Variants in PDZK1 observed in about 807,000 individuals in gnomAD.
The protein encoded by PDZK1 is PDZ domain containing 1.
Under a neutral mutation model 38.1 loss-of-function variants are expected in PDZK1, and 23 were observed. That is an observed-to-expected ratio of 0.60 (90% CI 0.43 to 0.85). The LOEUF is 0.85. PDZK1 is among the 40% of genes least tolerant of loss of function. The pLI is 0.00. For missense variants in PDZK1, 297 were observed against 504.3 expected (o/e 0.59, Z 3.94); for synonymous variants, 98 against 186.2 (o/e 0.53, Z 3.86).
At chr1:145,697,992 A>C (rs1655736852) in intron 1 of PDZK1, among the ~76,000 whole-genome samples, 1 of 151,854 alleles carries the variant, frequency 6.6e-6, no homozygotes, top group Non-Finnish European at 1.5e-5. Flanking sequence ...GAGAACATGG[A>C]AACTGGGGTT....
At position 145,684,965 on chromosome 1, in the gene PDZK1, TTAA is replaced by T. The variant is rs587738348; in HGVS notation, c.460+1509_460+1511del. On this transcript the variant is annotated intron_variant, in intron 3 of 8. Transcript: ENST00000417171. ...ATAAGGATTATTTGAACACAGTACT[TTAA>T]TACCGTGACAGTTGACCTGGTAACT... Among the ~76,000 whole-genome samples, 1,330 of 148,076 alleles carry T rather than the reference TTAA, an allele frequency of 9.0e-3. 6 individuals carry two copies. The highest frequency in any genetic ancestry group is 0.015 in the Non-Finnish European group (975 of 66,692).
chr1:145,692,673 T>A (rs1310260664), intron 1 of PDZK1, among the ~76,000 whole-genome samples: 4 of 147,102 alleles, frequency 2.7e-5, no homozygotes, highest in African/African-American at 5.1e-5. Context: ...ATCGTGCCAG[T>A]GCACTCCAGC....
chr1:145,707,146 C>T (rs1410391547), intron 1 of PDZK1, among the ~76,000 whole-genome samples, 171 bp downstream of exon 1: 1 of 152,086 alleles, frequency 6.6e-6, no homozygotes, highest in Admixed American at 6.6e-5. Flanking sequence ...CGTGGATCAT[C>T]TCTCACCCCC....
chr1:145,672,674 G>C (rs1483311689), intron 8 of PDZK1, 56 bp downstream of exon 8: 2 of 1,600,218 alleles, frequency 1.2e-6, no homozygotes, highest in Non-Finnish European at 1.7e-6. Context: ...TACTCATAGG[G>C]ACTGTACCCA....
intron 1 of PDZK1, among the ~76,000 whole-genome samples, chr1:145,704,443 G>A (rs948594689): frequency 3.3e-5 from 5 of 152,146 alleles, no homozygotes; most frequent in Admixed American, 6.5e-5. Context: ...CTTCATTTCC[G>A]GGGGTCATGT....
At chr1:145,671,716 T>TG (rs2101859535) in intron 8 of PDZK1, 1 of 516,932 alleles carries the variant, frequency 1.9e-6, no homozygotes, top group South Asian at 2.7e-5. Context: ...GATCTGGGTA[T>TG]GACTAGAAGT....
intron 3 of PDZK1, among the ~76,000 whole-genome samples, chr1:145,685,727 C>T (rs1654694659): frequency 6.6e-6 from 1 of 152,186 alleles, no homozygotes; most frequent in African/African-American, 2.4e-5. Context: ...AAGGAATTGA[C>T]CAGCTAACAC....
chr1:145,671,364 T>G lies in PDZK1; in HGVS notation c.*72A>C, dbSNP rs1653010818. The G allele has an allele frequency of 6.2e-7, 1 of 1,606,198 alleles. No individual in the cohort carries two copies. Among genetic ancestry groups the G allele is most frequent in the Admixed American group, 1.7e-5 (1 of 59,742 alleles). On this transcript the variant is annotated 3_prime_UTR_variant, in exon 9 of 9. Transcript: ENST00000417171. Reference sequence around the variant, plus strand: ...CAGTAAACAGGTCACAACTCATTCCTTGAGAAAGGATTCCTATTAAATACC... The same window carrying G: ...CAGTAAACAGGTCACAACTCATTCCGTGAGAAAGGATTCCTATTAAATACC...
intron 3 of PDZK1, among the ~76,000 whole-genome samples, chr1:145,686,006 G>A (rs587679893): frequency 2.0e-5 from 3 of 152,210 alleles, no homozygotes; most frequent in African/African-American, 7.2e-5. Context: ...CACATCAGCA[G>A]GTGCTCAAGA....
chr1:145,694,447 G>T (rs587708972), intron 1 of PDZK1, among the ~76,000 whole-genome samples: 64 of 152,274 alleles, frequency 4.2e-4, no homozygotes, highest in African/African-American at 1.5e-3. Context: ...GCATCAAGAA[G>T]ACATACTACC....
At chr1:145,695,371 G>A (rs950981811) in intron 1 of PDZK1, among the ~76,000 whole-genome samples, 10 of 151,990 alleles carry the variant, frequency 6.6e-5, no homozygotes, top group African/African-American at 1.7e-4. Flanking sequence ...GCAGTGAGCC[G>A]AGACAGTGCA....
intron 6 of PDZK1, chr1:145,676,171 G>C (rs1272042493): frequency 6.4e-5 from 63 of 984,854 alleles, no homozygotes; most frequent in Non-Finnish European, 7.5e-5. Flanking sequence ...GGAGAGCGGG[G>C]AAGGAGATGA....
rs587613165 is a variant in PDZK1, at chr1:145,697,673, C to T, written c.-3+9644G>A. Reference sequence around the variant, plus strand: ...AGTGCAGTGGTGCGATCTCAGCTCACTGCAACCTCTGCCTCCCAGATTCAA... The same window carrying T: ...AGTGCAGTGGTGCGATCTCAGCTCATTGCAACCTCTGCCTCCCAGATTCAA... On this transcript the variant is annotated intron_variant, in intron 1 of 8. Transcript: ENST00000417171. Among the ~76,000 whole-genome samples the T allele has an allele frequency of 1.7e-4, 26 of 151,686 alleles. No homozygotes were observed. The South Asian group carries it at 5.0e-3, about 29-fold the overall frequency.
At chr1:145,693,586 A>G (rs1387326036) in intron 1 of PDZK1, among the ~76,000 whole-genome samples, 1 of 152,084 alleles carries the variant, frequency 6.6e-6, no homozygotes, top group Non-Finnish European at 1.5e-5. Flanking sequence ...CATCCTGGCT[A>G]ACACCGTGAA....
intron 1 of PDZK1, among the ~76,000 whole-genome samples, chr1:145,694,895 CAAAAA>C (rs10657290): frequency 7.5e-5 from 3 of 39,792 alleles, no homozygotes; most frequent in Non-Finnish European, 1.1e-4. Context: ...GACTCTGTCT[CAAAAA>C]AAAAAAAAAA....
chr1:145,685,308 C>T (rs1186352635), intron 3 of PDZK1, among the ~76,000 whole-genome samples: 11 of 152,318 alleles, frequency 7.2e-5, no homozygotes, highest in African/African-American at 2.6e-4. Flanking sequence ...ATAACTTAAA[C>T]TCTGCTTCCT....
intron 1 of PDZK1, among the ~76,000 whole-genome samples, chr1:145,696,654 A>G (rs1262469451): frequency 2.0e-5 from 3 of 152,190 alleles, no homozygotes; most frequent in African/African-American, 7.2e-5. Flanking sequence ...GAGAAAATAA[A>G]TGTTATTTAA....
At chr1:145,704,584 G>T (rs1445188692) in intron 1 of PDZK1, among the ~76,000 whole-genome samples, 1 of 152,154 alleles carries the variant, frequency 6.6e-6, no homozygotes, top group African/African-American at 2.4e-5. Flanking sequence ...GGAAATAGAA[G>T]CTTAGAGAGC....
At chr1:145,692,735 G>A (rs1571625835) in intron 1 of PDZK1, among the ~76,000 whole-genome samples, 1 of 148,776 alleles carries the variant, frequency 6.7e-6, no homozygotes, top group East Asian at 2.0e-4. Context: ...GAAGAAGAAA[G>A]AAAGAAAAAG....
Sources: gnomAD v4.1 joint callset for allele counts (sites outside exome capture counted in the v4.1 genomes callset) on GRCh38, gnomAD v4.1.1 for gene constraint, MANE v1.5 for transcripts, NCBI Gene and HGNC (gene_info 2026-07-23, HGNC 2026-07-21) for gene names.